MSH3: variants seen among roughly 807,000 people sequenced by gnomAD.
MSH3 encodes the protein DNA mismatch repair protein Msh3.
In MSH3, 106 loss-of-function variants were observed where a neutral mutation model predicts 123.3. That is an observed-to-expected ratio of 0.86 (90% CI 0.73 to 1.01). The LOEUF (loss-of-function observed/expected upper bound fraction) is 1.01, where lower values mean the gene tolerates loss of function less well. Ranked by LOEUF, MSH3 falls within the 50% of genes least tolerant of loss-of-function variation. The probability of loss-of-function intolerance (pLI) is 0.00; values close to 1 mark genes in which losing one functional copy is unlikely to be tolerated. For missense variants in MSH3, 1,459 were observed against 1,347.6 expected (o/e 1.08, Z -1.29); for synonymous variants, 515 against 481.4 (o/e 1.07, Z -0.91).
chr5:80,816,853 A>G (rs1310668374), intron 20 of MSH3, among the ~76,000 whole-genome samples: 4 of 152,224 alleles, frequency 2.6e-5, no homozygotes, highest in African/African-American at 9.6e-5. Flanking sequence ...ATTTACTAGA[A>G]GAGGATGTTT....
At chr5:80,729,590 A>G (rs993338814) in intron 10 of MSH3, among the ~76,000 whole-genome samples, 1 of 152,032 alleles carries the variant, frequency 6.6e-6, no homozygotes, top group African/African-American at 2.4e-5. Context: ...ATTAAAAAGC[A>G]TTCATAAAAA....
chr5:80,803,100 C>CAGTG (rs1344980188), intron 19 of MSH3, among the ~76,000 whole-genome samples: 1 of 151,928 alleles, frequency 6.6e-6, no homozygotes. Flanking sequence ...ATATACCTAG[C>CAGTG]AGTGGGATTG....
chr5:80,687,386 A>G (rs1750117379), intron 8 of MSH3, among the ~76,000 whole-genome samples: 1 of 152,360 alleles, frequency 6.6e-6, no homozygotes, highest in South Asian at 2.1e-4. Context: ...CGATAAACAA[A>G]TAATATTTAC....
chr5:80,671,844 A>G (rs1291365826), intron 4 of MSH3, among the ~76,000 whole-genome samples: 1 of 152,208 alleles, frequency 6.6e-6, no homozygotes, highest in Non-Finnish European at 1.5e-5. Flanking sequence ...GGATGGGTTC[A>G]TCATTTCTGC....
In MSH3 at chr5:80,743,978, A is replaced by AT. The variant is rs201454796; in HGVS notation, c.1654-519dup. 1.9e-3 allele frequency among the ~76,000 whole-genome samples: 284 copies of AT among 151,238 alleles called. 1 individual carries two copies. Among genetic ancestry groups the AT allele is most frequent in the Admixed American group, 4.4e-3 (67 of 15,178 alleles). ...AATTAATTATGTCTAGTTAATTGTG[A>AT]TTTTTTTTTAAGGACCCAAATTTTA... On this transcript the variant is annotated intron_variant, in intron 11 of 23. Transcript: ENST00000265081.
At chr5:80,828,668 G>A (rs932543196) in intron 20 of MSH3, among the ~76,000 whole-genome samples, 7 of 152,174 alleles carry the variant, frequency 4.6e-5, no homozygotes, top group African/African-American at 1.7e-4. Flanking sequence ...AAAATAAATG[G>A]TGGGACAGGT....
intron 23 of MSH3, 41 bp from the exon 24 acceptor site, chr5:80,875,710 A>T (rs1187905027): frequency 8.5e-7 from 1 of 1,170,672 alleles, no homozygotes; most frequent in Middle Eastern, 1.9e-4. Context: ...GTCTCCCAGC[A>T]ATTTCATTTA....
chr5:80,807,270 A>G (rs1037179854), intron 19 of MSH3, among the ~76,000 whole-genome samples: 3 of 152,060 alleles, frequency 2.0e-5, no homozygotes, highest in African/African-American at 7.2e-5. Flanking sequence ...CAATTTTACC[A>G]TAGGCTAATG....
intron 20 of MSH3, among the ~76,000 whole-genome samples, chr5:80,815,301 T>A (rs1745081046): frequency 6.6e-6 from 1 of 152,072 alleles, no homozygotes; most frequent in African/African-American, 2.4e-5. Flanking sequence ...ATTTTCTATT[T>A]TATAAGAAAA....
Position 80,654,762 on chromosome 5 carries a change from C to T in MSH3, c.35C>T (p.Ala12Val), listed in dbSNP as rs969715234. Reference protein sequence around the residue: ...SRRKPASGGLAASSSAPARQA... With the variant: ...SRRKPASGGLVASSSAPARQA... ...CGGAAGCCTGCGTCGGGCGGCCTCGCTGCCTCCAGCTCAGCCCCTGCGAGG... is the reference window on the plus strand; with the variant it reads ...CGGAAGCCTGCGTCGGGCGGCCTCGTTGCCTCCAGCTCAGCCCCTGCGAGG... Residue 12 changes from alanine to valine, a missense_variant, in exon 1 of 24, where the codon GCT (alanine) becomes GTT (valine). By Grantham distance (64) the Ala-to-Val change is moderately conservative. Coordinates refer to ENST00000265081, the MANE Select transcript of MSH3 (RefSeq NM_002439.5). 1 of 1,603,780 alleles carries T rather than the reference C, an allele frequency of 6.2e-7. No individual in the cohort carries two copies. Among genetic ancestry groups the T allele is most frequent in the Non-Finnish European group, 8.5e-7 (1 of 1,176,362 alleles).
At chr5:80,828,180 A>G (rs1273064692) in intron 20 of MSH3, among the ~76,000 whole-genome samples, 1 of 152,214 alleles carries the variant, frequency 6.6e-6, no homozygotes, top group Non-Finnish European at 1.5e-5. Flanking sequence ...TACATCTGGT[A>G]TGGGCCTTCT....
intron 3 of MSH3, among the ~76,000 whole-genome samples, 197 bp from the exon 4 acceptor site, chr5:80,669,900 A>AT (rs1749665983): frequency 6.6e-6 from 1 of 152,224 alleles, no homozygotes; most frequent in Non-Finnish European, 1.5e-5. Flanking sequence ...TACTTGGTTC[A>AT]TAATTTTTTT....
At chr5:80,765,843 C>G (rs1026625612) in intron 13 of MSH3, among the ~76,000 whole-genome samples, 2 of 152,080 alleles carry the variant, frequency 1.3e-5, no homozygotes, top group African/African-American at 4.8e-5. Context: ...TGAGAAAGCA[C>G]GTTGGAAGTA....
intron 10 of MSH3, among the ~76,000 whole-genome samples, chr5:80,730,138 A>G (rs1743385603): frequency 6.6e-6 from 1 of 152,210 alleles, no homozygotes. Context: ...AATGCCCATC[A>G]GGGATCCTTG....
chr5:80,661,898 G>A (rs10474632), intron 2 of MSH3, among the ~76,000 whole-genome samples: 9,081 of 152,048 alleles, frequency 0.06, 382 homozygotes, highest in Non-Finnish European at 0.088. Flanking sequence ...TTACTCTAGA[G>A]CAACTTTAGT....
chr5:80,781,731 T>C (rs1007291723), intron 17 of MSH3, among the ~76,000 whole-genome samples: 1 of 152,106 alleles, frequency 6.6e-6, no homozygotes, highest in Non-Finnish European at 1.5e-5. Flanking sequence ...TTTCTGATTG[T>C]CTTTTTCCCC....
intron 19 of MSH3, among the ~76,000 whole-genome samples, chr5:80,793,276 C>G (rs533257826): frequency 4.7e-4 from 72 of 152,306 alleles, no homozygotes; most frequent in African/African-American, 1.6e-3. Flanking sequence ...CTGGATTTCT[C>G]TTACATAACA....
At chr5:80,774,068 T>C (rs900356834) in intron 15 of MSH3, among the ~76,000 whole-genome samples, 4 of 152,112 alleles carry the variant, frequency 2.6e-5, no homozygotes, top group African/African-American at 9.7e-5. Context: ...GCGCCCGGCC[T>C]GAATTTGGTT....
chr5:80,796,240 T>A (rs1250419541), intron 19 of MSH3, among the ~76,000 whole-genome samples: 2 of 152,170 alleles, frequency 1.3e-5, no homozygotes, highest in Non-Finnish European at 2.9e-5. Flanking sequence ...TTTCAAAACG[T>A]ATGTTACACT....
Sources: gnomAD v4.1 joint callset for allele counts (sites outside exome capture counted in the v4.1 genomes callset) on GRCh38, gnomAD v4.1.1 for gene constraint, MANE v1.5 for transcripts, NCBI Gene and HGNC (gene_info 2026-07-23, HGNC 2026-07-21) for gene names.